Variants in KCNQ5 observed in about 807,000 individuals in gnomAD.
KCNQ5 encodes the protein potassium voltage-gated channel subfamily KQT member 5.
In KCNQ5, 30 loss-of-function variants were observed where a neutral mutation model predicts 98.2. The ratio of observed to expected loss-of-function variants is 0.31; its 90% CI spans 0.23 to 0.41. The LOEUF is 0.41. Ranked by LOEUF, KCNQ5 falls within the 10% of genes least tolerant of loss-of-function variation. The pLI, the probability that KCNQ5 is intolerant of heterozygous loss-of-function variation, is 1.00. For missense variants in KCNQ5, 835 were observed against 1,182.5 expected, an observed-to-expected ratio of 0.71 and a Z score of 4.31; for synonymous variants, 458 against 449.4, an observed-to-expected ratio of 1.02 and a Z score of -0.24.
At chr6:73,134,933 G>A (rs1776405786) in intron 10 of KCNQ5, 1 of 152,308 alleles carries the variant, frequency 6.6e-6, no homozygotes, top group Non-Finnish European at 1.5e-5. Context: ...GATTTTGGCT[G>A]AAAGCCCTTG....
intron 1 of KCNQ5, among the ~76,000 whole-genome samples, chr6:72,871,647 A>C (rs1438597653): frequency 1.3e-5 from 2 of 152,216 alleles, no homozygotes; most frequent in East Asian, 3.8e-4. Context: ...ACAATATTTA[A>C]CCTAAATGTA....
chr6:73,044,026 C>T (rs1771841734), intron 3 of KCNQ5, among the ~76,000 whole-genome samples: 1 of 152,226 alleles, frequency 6.6e-6, no homozygotes, highest in Non-Finnish European at 1.5e-5. Context: ...TCACTCCTGC[C>T]TGTAATCCCA....
intron 1 of KCNQ5, among the ~76,000 whole-genome samples, chr6:72,908,762 A>G (rs1235516028): frequency 6.6e-6 from 1 of 152,178 alleles, no homozygotes; most frequent in South Asian, 2.1e-4. Flanking sequence ...CTGTAGAAGC[A>G]AAGTTCTGTA....
intron 1 of KCNQ5, among the ~76,000 whole-genome samples, chr6:72,833,915 G>T (rs975641905): frequency 6.6e-6 from 1 of 151,914 alleles, no homozygotes; most frequent in Non-Finnish European, 1.5e-5. Context: ...AAAATATAAG[G>T]TTGGATGAAA....
intron 10 of KCNQ5, among the ~76,000 whole-genome samples, chr6:73,139,873 C>G (rs914120298): frequency 1.3e-5 from 2 of 152,126 alleles, no homozygotes; most frequent in African/African-American, 4.8e-5. Flanking sequence ...CTTGGTGACT[C>G]CTTCTTCCTT....
At chr6:73,015,660 G>A (rs1278548443) in intron 2 of KCNQ5, among the ~76,000 whole-genome samples, 1 of 152,030 alleles carries the variant, frequency 6.6e-6, no homozygotes, top group African/African-American at 2.4e-5. Context: ...ATTCAACCAG[G>A]TCCACACTGA....
At chr6:72,751,563 A>G (rs892163637) in intron 1 of KCNQ5, among the ~76,000 whole-genome samples, 3 of 152,162 alleles carry the variant, frequency 2.0e-5, no homozygotes, top group Non-Finnish European at 4.4e-5. Flanking sequence ...GCCATTTTCA[A>G]AAGTCAACAG....
rs150216673 is a variant in KCNQ5 at position 72,884,831 on chromosome 6, T to C, written c.399-119077T>C. Among the ~76,000 whole-genome samples the C allele has an allele frequency of 3.0e-3, 452 of 152,250 alleles. 1 individual carries two copies. The highest frequency in any genetic ancestry group is 0.01 in the African/African-American group (431 of 41,556). On this transcript the variant is annotated intron_variant, in intron 1 of 13. Coordinates refer to ENST00000370398, the MANE Select transcript of KCNQ5 (RefSeq NM_019842.4). ...CAGGGTTTCACCATGTTTCCCAGGC[T>C]GGTCCTGAACTCCTGAGCTCAAGCG...
chr6:73,026,378 T>C (rs1770891018), intron 2 of KCNQ5, among the ~76,000 whole-genome samples: 1 of 152,154 alleles, frequency 6.6e-6, no homozygotes. Flanking sequence ...TCATTCACAC[T>C]CAGAGTTTTT....
At chr6:73,116,804 G>A (rs1582387843) in intron 7 of KCNQ5, among the ~76,000 whole-genome samples, 1 of 152,286 alleles carries the variant, frequency 6.6e-6, no homozygotes, top group South Asian at 2.1e-4. Flanking sequence ...CTGGTTCATA[G>A]CCTAAAACTT....
intron 3 of KCNQ5, among the ~76,000 whole-genome samples, chr6:73,067,365 A>AT (rs909857608): frequency 2.0e-5 from 3 of 151,208 alleles, no homozygotes; most frequent in South Asian, 4.2e-4. Flanking sequence ...TCTATAAAAC[A>AT]TTTTTTTTTA....
chr6:73,150,463 T>A (rs1777105078), intron 10 of KCNQ5, among the ~76,000 whole-genome samples: 1 of 146,812 alleles, frequency 6.8e-6, no homozygotes, highest in Non-Finnish European at 1.5e-5. Context: ...TATATTTTAT[T>A]ATATATTACA....
At chr6:72,763,049 A>G (rs1772370210) in intron 1 of KCNQ5, among the ~76,000 whole-genome samples, 2 of 152,064 alleles carry the variant, frequency 1.3e-5, no homozygotes, top group African/African-American at 4.8e-5. Flanking sequence ...AATTTGTTCC[A>G]TAAATGGTAG....
chr6:72,716,654 G>T (rs1306706275), intron 1 of KCNQ5, among the ~76,000 whole-genome samples: 4 of 152,118 alleles, frequency 2.6e-5, no homozygotes, highest in African/African-American at 9.7e-5. Flanking sequence ...GCCATATATA[G>T]TAGGTGTTTA....
chr6:72,715,931 T>G (rs1199147649), intron 1 of KCNQ5, among the ~76,000 whole-genome samples: 1 of 152,200 alleles, frequency 6.6e-6, no homozygotes, highest in Admixed American at 6.5e-5. Context: ...ATACTTATGT[T>G]ATACTTTTTA....
At chr6:73,114,153 G>T (rs1401615244) in intron 7 of KCNQ5, among the ~76,000 whole-genome samples, 1 of 152,058 alleles carries the variant, frequency 6.6e-6, no homozygotes, top group Non-Finnish European at 1.5e-5. Context: ...TCTTTAGACA[G>T]AATTCAAGGC....
intron 1 of KCNQ5, among the ~76,000 whole-genome samples, chr6:72,637,941 C>T (rs1482207947): frequency 4.6e-5 from 7 of 152,098 alleles, no homozygotes; most frequent in African/African-American, 1.4e-4. Flanking sequence ...AGAAGAAACC[C>T]GGGTAAGTTC....
chr6:72,901,690 C>G (rs1468264722), intron 1 of KCNQ5, among the ~76,000 whole-genome samples: 1 of 152,142 alleles, frequency 6.6e-6, no homozygotes, highest in Non-Finnish European at 1.5e-5. Flanking sequence ...ATTCTGTATT[C>G]TGTCCCATTG....
intron 1 of KCNQ5, among the ~76,000 whole-genome samples, chr6:72,782,001 A>G (rs1178544075): frequency 6.6e-6 from 1 of 152,228 alleles, no homozygotes; most frequent in Non-Finnish European, 1.5e-5. Flanking sequence ...ATAGGAGTTA[A>G]AATCATTTTA....
Sources: allele counts gnomAD v4.1 joint callset (sites outside exome capture counted in the v4.1 genomes callset), GRCh38; gene constraint gnomAD v4.1.1; transcripts MANE v1.5; gene names NCBI Gene and HGNC (gene_info 2026-07-23, HGNC 2026-07-21).